Variants in HTR1F observed in about 807,000 individuals in gnomAD.
HTR1F encodes the protein 5-hydroxytryptamine receptor 1F, also known as 5-hydroxytryptamine (serotonin) receptor 1F, G protein-coupled.
HTR1F carries 17 observed loss-of-function variants against 24.0 expected under a neutral mutation model. The ratio of observed to expected loss-of-function variants is 0.71; its 90% CI spans 0.48 to 1.06. The LOEUF is 1.06. Ranked by LOEUF, HTR1F falls within the 50% of genes least tolerant of loss-of-function variation. HTR1F has a pLI of 0.00. For missense variants in HTR1F, 391 were observed against 427.8 expected, an observed-to-expected ratio of 0.91 and a Z score of 0.76; for synonymous variants, 186 against 156.8, an observed-to-expected ratio of 1.19 and a Z score of -1.39.
intron 2 of HTR1F, among the ~76,000 whole-genome samples, chr3:87,839,312 A>G (rs1575928636): frequency 2.0e-5 from 3 of 152,124 alleles, no homozygotes; most frequent in East Asian, 1.9e-4. Flanking sequence ...TACCACCACC[A>G]TCTACTGAAA....
At chr3:87,927,046 G>A (rs191763328) in intron 2 of HTR1F, among the ~76,000 whole-genome samples, 73 of 152,238 alleles carry the variant, frequency 4.8e-4, no homozygotes, top group African/African-American at 1.7e-3. Flanking sequence ...AATGACAGGG[G>A]AGTGGTGGAA....
intron 2 of HTR1F, among the ~76,000 whole-genome samples, chr3:87,937,917 C>G (rs1029432265): frequency 7.3e-6 from 1 of 137,168 alleles, no homozygotes. Context: ...GAGCGAGACT[C>G]CATCTCAAAA....
At chr3:87,898,062 T>G (rs1008248492) in intron 2 of HTR1F, among the ~76,000 whole-genome samples, 2 of 151,934 alleles carry the variant, frequency 1.3e-5, no homozygotes, top group Non-Finnish European at 2.9e-5. Flanking sequence ...AATGAATAGG[T>G]GGATGAAAAA....
intron 2 of HTR1F, among the ~76,000 whole-genome samples, chr3:87,945,916 C>CGGTGGGCCACTTCCAAGATGGT (rs1704689035): frequency 6.6e-6 from 1 of 152,036 alleles, no homozygotes; most frequent in African/African-American, 2.4e-5. Context: ...TCCAAAATGG[C>CGGTGGGCCACTTCCAAGATGGT]GGTGGGCCAC....
intron 2 of HTR1F, among the ~76,000 whole-genome samples, chr3:87,905,574 C>T (rs1227473785): frequency 2.6e-5 from 4 of 151,872 alleles, no homozygotes; most frequent in Non-Finnish European, 5.9e-5. Context: ...TGGGATGCTC[C>T]CTTTGACAAT....
At chr3:87,841,913 A>AG (rs1704814947) in intron 2 of HTR1F, among the ~76,000 whole-genome samples, 1 of 116,440 alleles carries the variant, frequency 8.6e-6, no homozygotes, top group African/African-American at 5.5e-5. Context: ...AAAAAAAAAA[A>AG]AAAGAAAAAG....
intron 2 of HTR1F, among the ~76,000 whole-genome samples, chr3:87,839,658 T>G (rs1704758508): frequency 6.6e-6 from 1 of 152,122 alleles, no homozygotes; most frequent in African/African-American, 2.4e-5. Context: ...TACATGTACA[T>G]GATTGTTACA....
chr3:87,865,362 C>T (rs563241859), intron 2 of HTR1F, among the ~76,000 whole-genome samples: 14 of 151,934 alleles, frequency 9.2e-5, no homozygotes, highest in Non-Finnish European at 2.1e-4. Flanking sequence ...AAGTGTACCA[C>T]TTGATGAATT....
rs529079881 is a variant in HTR1F, at chr3:87,881,557, A to G, written c.-43+59433A>G. ...ACAGAGCCCTCAGAAATAACTCCGC[A>G]TATCTACAACTATCTGATCTTTGAC... On this transcript the variant is annotated intron_variant, in intron 2 of 2. Coordinates refer to ENST00000319595, the MANE Select transcript of HTR1F (RefSeq NM_001322209.2). 4.6e-5 allele frequency among the ~76,000 whole-genome samples: 7 copies of G among 152,354 alleles called. No homozygotes were observed. The South Asian group carries it at 8.3e-4, about 18-fold the overall frequency.
chr3:87,953,773 T>C (rs1704885513), intron 2 of HTR1F, among the ~76,000 whole-genome samples: 1 of 151,726 alleles, frequency 6.6e-6, no homozygotes, highest in Admixed American at 6.6e-5. Flanking sequence ...AGCCAAGATA[T>C]GGAATCAACC....
chr3:87,803,261 G>T (rs1704023079), intron 1 of HTR1F, among the ~76,000 whole-genome samples: 1 of 152,074 alleles, frequency 6.6e-6, no homozygotes, highest in South Asian at 2.1e-4. Context: ...ATCCTGGAAA[G>T]GGCCTTCAAG....
chr3:87,919,864 C>G (rs892592860), intron 2 of HTR1F, among the ~76,000 whole-genome samples: 4 of 151,942 alleles, frequency 2.6e-5, no homozygotes, highest in African/African-American at 9.7e-5. Flanking sequence ...AATCCCACTA[C>G]TGGGTATCTA....
At chr3:87,922,428 G>C (rs1406267318) in intron 2 of HTR1F, among the ~76,000 whole-genome samples, 1 of 151,808 alleles carries the variant, frequency 6.6e-6, no homozygotes, top group Admixed American at 6.6e-5. Context: ...CCTGTCAGAT[G>C]AATTGTCTGC....
At chr3:87,900,039 T>C (rs547092674) in intron 2 of HTR1F, among the ~76,000 whole-genome samples, 2 of 150,630 alleles carry the variant, frequency 1.3e-5, no homozygotes, top group African/African-American at 4.9e-5. Context: ...ATAAGTAGTA[T>C]TAATATAAAG....
intron 2 of HTR1F, among the ~76,000 whole-genome samples, chr3:87,875,046 G>C (rs1414007149): frequency 6.6e-6 from 1 of 152,138 alleles, no homozygotes; most frequent in Non-Finnish European, 1.5e-5. Flanking sequence ...AGAAAACATA[G>C]GAAAGAAGCA....
chr3:87,885,585 T>C (rs1705920046), intron 2 of HTR1F, among the ~76,000 whole-genome samples: 1 of 143,954 alleles, frequency 6.9e-6, no homozygotes, highest in African/African-American at 2.9e-5. Context: ...ACAAAATTGA[T>C]AGATTGCTAG....
At chr3:87,817,017 A>G (rs2919250) in intron 1 of HTR1F, among the ~76,000 whole-genome samples, 20,368 of 152,142 alleles carry the variant, frequency 0.13, 4,247 homozygotes, top group African/African-American at 0.45. Context: ...GGTATTATGT[A>G]TAGAAAAACA....
chr3:87,967,995 A>C (rs1705203684), intron 2 of HTR1F, among the ~76,000 whole-genome samples: 1 of 152,212 alleles, frequency 6.6e-6, no homozygotes, highest in African/African-American at 2.4e-5. Flanking sequence ...AACTTCCTGT[A>C]GACTTGTTGA....
intron 2 of HTR1F, among the ~76,000 whole-genome samples, chr3:87,877,101 GA>G (rs1164770333): frequency 2.0e-5 from 3 of 151,952 alleles, no homozygotes; most frequent in Non-Finnish European, 4.4e-5. Context: ...AGCTAAAATA[GA>G]AGAGCAAACT....
Sources: gnomAD v4.1 joint callset for allele counts (sites outside exome capture counted in the v4.1 genomes callset) on GRCh38, gnomAD v4.1.1 for gene constraint, MANE v1.5 for transcripts, NCBI Gene and HGNC (gene_info 2026-07-23, HGNC 2026-07-21) for gene names.